CALD1: variants seen among roughly 807,000 people sequenced by gnomAD.
CALD1 encodes the protein caldesmon.
CALD1 carries 33 observed loss-of-function variants against 99.9 expected under a neutral mutation model. That is an observed-to-expected ratio of 0.33 (90% confidence interval 0.25 to 0.44). CALD1 has a LOEUF of 0.44. Ranked by LOEUF, CALD1 falls within the 20% of genes least tolerant of loss-of-function variation. The probability of loss-of-function intolerance (pLI) is 1.00; values close to 1 mark genes in which losing one functional copy is unlikely to be tolerated. For synonymous variants in CALD1, 310 were observed against 325.0 expected (o/e 0.95, Z 0.50); for missense variants, 861 against 962.1 (o/e 0.89, Z 1.39).
At chr7:134,958,157 G>T (rs536728563) in intron 10 of CALD1, 45 bp downstream of exon 10, 2 of 1,596,708 alleles carry the variant, frequency 1.3e-6, no homozygotes, top group East Asian at 2.2e-5. Context: ...GCTAGCATAT[G>T]TATGAGAAGA....
At chr7:134,864,464 T>C (rs1800712883) in intron 2 of CALD1, among the ~76,000 whole-genome samples, 1 of 149,688 alleles carries the variant, frequency 6.7e-6, no homozygotes, top group African/African-American at 2.5e-5. Flanking sequence ...AGCGGCTCAA[T>C]CTCAGCTCAC....
At chr7:134,892,227 T>C (rs192094441) in intron 3 of CALD1, among the ~76,000 whole-genome samples, 1 of 152,294 alleles carries the variant, frequency 6.6e-6, no homozygotes, top group African/African-American at 2.4e-5. Flanking sequence ...AATCCTGGAA[T>C]GTTAAAGCCA....
In CALD1 at chr7:134,941,198, T is replaced by G; in HGVS notation, c.1493T>G (p.Phe498Cys). The G allele has an allele frequency of 6.2e-7, 1 of 1,612,760 alleles. No homozygotes were observed. Among genetic ancestry groups the G allele is most frequent in the Non-Finnish European group, 8.5e-7 (1 of 1,179,574 alleles). The change falls in exon 7 of 15, where the codon TTC (phenylalanine) becomes TGC (cysteine). Residue 498 changes from phenylalanine (F) to cysteine (C), a missense_variant. Phe to Cys is a radical substitution (Grantham distance 205, BLOSUM62 -2). This residue lies in a region of CALD1 where 293 missense variants were observed against 262.7 expected (regional missense o/e 1.12). Coordinates refer to ENST00000361675, the MANE Select transcript of CALD1 (RefSeq NM_033138.4). ...GAAGTTAAGTCGCAGAATGGAGAAT[T>G]CATGACCCACAAACTTAAACATACT... The part of the protein sequence containing the change: ...FTEVKSQNGE[F>C]MTHKLKHTEN...
chr7:134,778,610 C>A (rs1009717665), upstream of CALD1, among the ~76,000 whole-genome samples: 1 of 152,136 alleles, frequency 6.6e-6, no homozygotes, highest in Non-Finnish European at 1.5e-5. Flanking sequence ...TATGTGTGGG[C>A]CAGTTACCTT....
intron 3 of CALD1, among the ~76,000 whole-genome samples, chr7:134,921,798 A>AAAAACAAAACAAAACAAAAC (rs199982116): frequency 2.6e-5 from 4 of 152,160 alleles, no homozygotes; most frequent in African/African-American, 9.7e-5. Flanking sequence ...TTCTGTCTCA[A>AAAAACAAAACAAAACAAAAC]AAAACAAAAC....
the CALD1 span, among the ~76,000 whole-genome samples, chr7:134,715,405 A>G: frequency 6.6e-6 from 1 of 152,222 alleles, no homozygotes; most frequent in Non-Finnish European, 1.5e-5. Context: ...CATGTACCCA[A>G]AAGTAAACTA....
chr7:134,957,844 G>A lies in CALD1; in HGVS notation c.1936-225G>A, dbSNP rs73728017. Among the ~76,000 whole-genome samples the A allele has an allele frequency of 0.052, 7,591 of 146,772 alleles. 649 individuals are homozygous for A. Among genetic ancestry groups the A allele is most frequent in the African/African-American group, 0.18 (7,184 of 39,930 alleles). ...AAACTTGATTTTTTTTTTTTTACAC[G>A]TTTTCTCTATCCTGTATCAATCCTA... On this transcript the variant is annotated intron_variant, in intron 9 of 14. Coordinates refer to ENST00000361675, the MANE Select transcript of CALD1 (RefSeq NM_033138.4).
chr7:134,846,706 G>A (rs1399372517), intron 2 of CALD1, among the ~76,000 whole-genome samples: 1 of 152,156 alleles, frequency 6.6e-6, no homozygotes, highest in African/African-American at 2.4e-5. Context: ...GAGGCTATCA[G>A]AGATCTGGAA....
At chr7:134,843,091 CCTTCCCGT>C in intron 1 of CALD1, among the ~76,000 whole-genome samples, 1 of 152,314 alleles carries the variant, frequency 6.6e-6, no homozygotes, top group South Asian at 2.1e-4. Context: ...GGCCCAGCTC[CCTTCCCGT>C]CTTCCTTCAT....
chr7:134,914,359 G>A (rs1804047614), intron 3 of CALD1, among the ~76,000 whole-genome samples: 4 of 152,186 alleles, frequency 2.6e-5, no homozygotes, highest in African/African-American at 9.7e-5. Context: ...TCCTCTTGCA[G>A]CTAAGATGGA....
chr7:134,963,624 G>A (rs1395012035), intron 13 of CALD1, among the ~76,000 whole-genome samples: 2 of 152,154 alleles, frequency 1.3e-5, no homozygotes, highest in African/African-American at 4.8e-5. Flanking sequence ...TGGAAGAAAA[G>A]TAAATTGAAA....
intron 2 of CALD1, among the ~76,000 whole-genome samples, chr7:134,862,779 C>T (rs569350847): frequency 6.6e-6 from 1 of 152,324 alleles, no homozygotes; most frequent in South Asian, 2.1e-4. Flanking sequence ...ATGTACCACA[C>T]TACTGCAAGA....
At chr7:134,952,473 CTTT>C (rs747660510) in intron 9 of CALD1, among the ~76,000 whole-genome samples, 4 of 140,920 alleles carry the variant, frequency 2.8e-5, no homozygotes, top group Non-Finnish European at 4.7e-5. Flanking sequence ...TTCCCTTAGT[CTTT>C]TTTTTTTTTT....
intron 1 of CALD1, among the ~76,000 whole-genome samples, chr7:134,774,153 G>A (rs1292886871): frequency 2.8e-5 from 4 of 144,686 alleles, no homozygotes; most frequent in African/African-American, 1.0e-4. Flanking sequence ...CTGGGTGACA[G>A]AGTGAGATTC....
chr7:134,740,010 T>C (rs1796580315), upstream of CALD1, among the ~76,000 whole-genome samples: 1 of 152,058 alleles, frequency 6.6e-6, no homozygotes, highest in Admixed American at 6.6e-5. Context: ...TTCAGGAACA[T>C]TTCAGATAAA....
At chr7:134,769,583 C>T (rs887402541) in intron 1 of CALD1, among the ~76,000 whole-genome samples, 1 of 150,892 alleles carries the variant, frequency 6.6e-6, no homozygotes, top group Admixed American at 6.6e-5. Flanking sequence ...TTCTCTTATA[C>T]ACACACTCTC....
intron 1 of CALD1, among the ~76,000 whole-genome samples, chr7:134,781,677 C>A (rs1409244017): frequency 6.6e-6 from 1 of 152,104 alleles, no homozygotes; most frequent in Non-Finnish European, 1.5e-5. Flanking sequence ...AGAGTTGATC[C>A]TAGGACACAC....
upstream of CALD1, among the ~76,000 whole-genome samples, chr7:134,742,251 G>C (rs1479847604): frequency 6.6e-6 from 1 of 152,194 alleles, no homozygotes; most frequent in Non-Finnish European, 1.5e-5. Flanking sequence ...CCATGAGATA[G>C]GCTATGTGAA....
rs188544861 is a variant in CALD1 at position 134,821,401 on chromosome 7, T to G, written c.-129-22483T>G. Reference sequence around the variant, plus strand: ...TTGTTAAATTATTGTAAGTAATATTTCTAAATATTAGACTACATTTATAAA... The same window carrying G: ...TTGTTAAATTATTGTAAGTAATATTGCTAAATATTAGACTACATTTATAAA... On this transcript the variant is annotated intron_variant, in intron 1 of 14. Transcript: ENST00000361675. 1.2e-4 allele frequency among the ~76,000 whole-genome samples: 19 copies of G among 152,290 alleles called. 1 individual carries two copies. In the East Asian group the frequency reaches 3.5e-3, roughly 28 times the overall value.
Sources: gnomAD v4.1 joint callset for allele counts (sites outside exome capture counted in the v4.1 genomes callset) on GRCh38, gnomAD v4.1.1 for gene constraint, gnomAD v4.1.1 regional missense constraint, MANE v1.5 for transcripts, NCBI Gene and HGNC (gene_info 2026-07-23, HGNC 2026-07-21) for gene names.